The following SPEF2 variants were observed in gnomAD, a reference collection of about 807,000 sequenced individuals.
The protein encoded by SPEF2 is sperm flagellar and cilia associated 2, also known as sperm flagella and cilia-associated protein 2.
Under a neutral mutation model 224.6 loss-of-function variants are expected in SPEF2, and 187 were observed. That is an observed-to-expected ratio of 0.83 (90% CI 0.74 to 0.94). The LOEUF (loss-of-function observed/expected upper bound fraction) is 0.94, where lower values mean the gene tolerates loss of function less well. Ranked by LOEUF, SPEF2 falls within the 40% of genes least tolerant of loss-of-function variation. The probability of loss-of-function intolerance (pLI) is 0.00; values close to 1 mark genes in which losing one functional copy is unlikely to be tolerated. For missense variants in SPEF2, 2,170 were observed against 2,135.6 expected (o/e 1.02, Z -0.32); for synonymous variants, 715 against 707.3 (o/e 1.01, Z -0.17).
chr5:35,773,780 T>A (rs1753216954), intron 27 of SPEF2, 113 bp from the exon 28 acceptor site: 1 of 1,229,760 alleles, frequency 8.1e-7, no homozygotes, highest in African/African-American at 1.5e-5. Flanking sequence ...TGTTTCCGAA[T>A]CACTAGAGGT....
chr5:35,713,788 G>T (rs1741755991), intron 20 of SPEF2, among the ~76,000 whole-genome samples: 2 of 25,908 alleles, frequency 7.7e-5, no homozygotes, highest in African/African-American at 1.8e-4. Flanking sequence ...ATTATATATA[G>T]TGTTATATAT....
chr5:35,750,996 T>TATAC lies in SPEF2; in HGVS notation c.3331-2628_3331-2627insATAC, dbSNP rs57659843. 5.4e-4 allele frequency among the ~76,000 whole-genome samples: 61 copies of TATAC among 113,946 alleles called. 1 individual carries two copies. The highest frequency in any genetic ancestry group is 2.1e-3 in the African/African-American group (59 of 27,444). The allele number at this position is 113,946 out of a possible 152,430, so 74.8% of individuals were successfully genotyped here. On this transcript the variant is annotated intron_variant, in intron 23 of 36. Coordinates refer to ENST00000356031, the MANE Select transcript of SPEF2 (RefSeq NM_024867.4). ...AAAGAAACTGTGCTATATATATATA[T>TATAC]GTATATATATATATACGTATATATA...
chr5:35,720,961 CTATT>C (rs138320944), intron 20 of SPEF2, among the ~76,000 whole-genome samples: 105,144 of 151,434 alleles, frequency 0.69, 37,492 homozygotes, highest in Middle Eastern at 0.79. Context: ...TTACCATAAA[CTATT>C]TATTTTGCCA....
intron 24 of SPEF2, among the ~76,000 whole-genome samples, chr5:35,756,091 T>C (rs1216132204): frequency 6.6e-6 from 1 of 152,152 alleles, no homozygotes; most frequent in Non-Finnish European, 1.5e-5. Flanking sequence ...AAATAAATAA[T>C]TCATAAGTTT....
intron 23 of SPEF2, among the ~76,000 whole-genome samples, chr5:35,749,859 A>G (rs1749130604): frequency 6.6e-6 from 1 of 152,178 alleles, no homozygotes; most frequent in African/African-American, 2.4e-5. Context: ...ACAATTCTAA[A>G]ATTCATATGG....
chr5:35,649,013 C>CAA lies in SPEF2; in HGVS notation c.727-335_727-334dup, dbSNP rs1254494736. Among the ~76,000 whole-genome samples, 164 of 79,056 alleles carry CAA rather than the reference C, an allele frequency of 2.1e-3. 1 individual carries two copies. Among genetic ancestry groups the CAA allele is most frequent in the African/African-American group, 7.2e-3 (152 of 21,244 alleles). 51.9% of individuals were successfully genotyped at this position (79,056 alleles called of 152,430 possible). ...TGGGCGACAGAGTGAGACTCCATCT[C>CAA]AAAAAAAAAAAAAAGAAAGAAAAAA... On this transcript the variant is annotated intron_variant, in intron 5 of 36. Transcript: ENST00000356031.
intron 25 of SPEF2, among the ~76,000 whole-genome samples, chr5:35,760,360 C>CAA (rs1751082552): frequency 6.8e-6 from 1 of 146,376 alleles, no homozygotes; most frequent in Non-Finnish European, 1.5e-5. Context: ...GAGACTCCGT[C>CAA]TAAAAAAAAA....
chr5:35,755,133 A>G (rs1464363183), intron 24 of SPEF2, among the ~76,000 whole-genome samples: 4 of 152,218 alleles, frequency 2.6e-5, no homozygotes, highest in African/African-American at 9.6e-5. Flanking sequence ...TCTGGATTGT[A>G]AAGAGAAGAT....
chr5:35,807,586 A>G, intron 36 of SPEF2: 1 of 1,473,226 alleles, frequency 6.8e-7, no homozygotes, highest in Non-Finnish European at 9.2e-7. Flanking sequence ...ACTAACCAAG[A>G]CCATGATCTC....
At chr5:35,807,563 C>G in intron 36 of SPEF2, 1 of 1,323,612 alleles carries the variant, frequency 7.6e-7, no homozygotes, top group Non-Finnish European at 1.0e-6. Context: ...TAAGATTCCT[C>G]CTGCCAAAGA....
chr5:35,716,728 G>A (rs887969574), intron 20 of SPEF2, among the ~76,000 whole-genome samples: 22 of 152,092 alleles, frequency 1.4e-4, no homozygotes, highest in Non-Finnish European at 3.1e-4. Context: ...TCATGTGAAA[G>A]AAATGATTTT....
At chr5:35,643,785 T>C (rs573496015) in intron 3 of SPEF2, 38 of 264,776 alleles carry the variant, frequency 1.4e-4, no homozygotes, top group Admixed American at 2.6e-4. Context: ...GAATATTATC[T>C]CACTGGATCT....
chr5:35,673,380 G>A (rs769277284), intron 10 of SPEF2, among the ~76,000 whole-genome samples: 2 of 152,180 alleles, frequency 1.3e-5, no homozygotes, highest in African/African-American at 4.8e-5. Context: ...AATTCATAGC[G>A]TTTCACTTTT....
At chr5:35,777,119 C>T (rs1753709254) in intron 29 of SPEF2, among the ~76,000 whole-genome samples, 1 of 152,180 alleles carries the variant, frequency 6.6e-6, no homozygotes, top group Non-Finnish European at 1.5e-5. Flanking sequence ...AGATGCACTA[C>T]AGTTTACAAT....
Position 35,625,814 on chromosome 5 carries a change from G to T in SPEF2, c.59-2646G>T, listed in dbSNP as rs554365082. ...GGTGGCAACGAGAGCTTTGGGGTCT[G>T]TAAGGGAAGGAGAAAGCTGCAGTGA... On this transcript the variant is annotated intron_variant, in intron 1 of 36. Transcript: ENST00000356031. Among the ~76,000 whole-genome samples, 50 of 152,300 alleles carry T rather than the reference G, an allele frequency of 3.3e-4. 1 individual carries two copies. In the South Asian group the frequency reaches 1.0e-2, roughly 30 times the overall value.
chr5:35,808,557 T>A (rs1412653640), intron 36 of SPEF2, among the ~76,000 whole-genome samples: 1 of 152,078 alleles, frequency 6.6e-6, no homozygotes, highest in East Asian at 1.9e-4. Context: ...GCTTCATCCA[T>A]GTCCCTATGA....
intron 13 of SPEF2, 80 bp downstream of exon 13, chr5:35,694,443 G>A: frequency 7.9e-7 from 1 of 1,263,056 alleles, no homozygotes; most frequent in Non-Finnish European, 1.1e-6. Flanking sequence ...GCACAAACAT[G>A]CTTTCAGGGA....
At position 35,628,876 on chromosome 5, in the gene SPEF2, A is replaced by G. The variant is rs181198157; in HGVS notation, c.161+314A>G. ...CAAAGTGTTGAGATTACATGTGTGCACCCCCGCTTCTGGACTACTCTTTAC... is the reference window on the plus strand; with the variant it reads ...CAAAGTGTTGAGATTACATGTGTGCGCCCCCGCTTCTGGACTACTCTTTAC... On this transcript the variant is annotated intron_variant, in intron 2 of 36. Transcript: ENST00000356031. Among the ~76,000 whole-genome samples the G allele has an allele frequency of 1.1e-4, 17 of 151,822 alleles. No homozygotes were observed. In the East Asian group the frequency reaches 3.1e-3, roughly 28 times the overall value.
At chr5:35,728,390 G>A (rs1158614483) in intron 21 of SPEF2, among the ~76,000 whole-genome samples, 1 of 152,202 alleles carries the variant, frequency 6.6e-6, no homozygotes, top group Non-Finnish European at 1.5e-5. Context: ...ACTATTTTTA[G>A]TTGGCTTGAC....
Sources: allele counts gnomAD v4.1 joint callset (sites outside exome capture counted in the v4.1 genomes callset), GRCh38; gene constraint gnomAD v4.1.1; transcripts MANE v1.5; gene names NCBI Gene and HGNC (gene_info 2026-07-23, HGNC 2026-07-21).